Variants in ARSB observed in about 807,000 individuals in gnomAD.
ARSB encodes N-acetylgalactosamine-4-sulfatase.
ARSB carries 41 observed loss-of-function variants against 50.9 expected under a neutral mutation model. The ratio of observed to expected loss-of-function variants is 0.81; its 90% CI spans 0.63 to 1.04. The LOEUF (loss-of-function observed/expected upper bound fraction) is 1.04, where lower values mean the gene tolerates loss of function less well. Among genes scored for constraint, ARSB ranks in the 50% least tolerant of loss-of-function variants. The pLI is 0.00. For synonymous variants in ARSB, 269 were observed against 284.8 expected (o/e 0.94, Z 0.56); for missense variants, 672 against 693.3 (o/e 0.97, Z 0.35).
At chr5:78,939,752 G>T (rs1750812805) in intron 4 of ARSB, among the ~76,000 whole-genome samples, 1 of 152,112 alleles carries the variant, frequency 6.6e-6, no homozygotes, top group Admixed American at 6.5e-5. Context: ...ACATGTGCAT[G>T]TGTCTTTATA....
chr5:78,898,501 A>C (rs1290348394), intron 4 of ARSB, among the ~76,000 whole-genome samples: 1 of 152,244 alleles, frequency 6.6e-6, no homozygotes, highest in Admixed American at 6.5e-5. Context: ...ACAGGTGTAA[A>C]AATCTTTAAC....
chr5:78,945,396 G>T (rs1751175564), intron 4 of ARSB, among the ~76,000 whole-genome samples: 1 of 152,142 alleles, frequency 6.6e-6, no homozygotes, highest in South Asian at 2.1e-4. Context: ...GACTGGAGCT[G>T]TTCCTATTCG....
At chr5:78,946,345 C>A (rs1044113005) in intron 4 of ARSB, among the ~76,000 whole-genome samples, 2 of 152,160 alleles carry the variant, frequency 1.3e-5, no homozygotes, top group African/African-American at 4.8e-5. Context: ...TTTGGAAAAA[C>A]CTATAGCCTC....
chr5:78,816,451 C>A (rs1472393056), intron 6 of ARSB, among the ~76,000 whole-genome samples: 3 of 152,188 alleles, frequency 2.0e-5, no homozygotes. Flanking sequence ...GTCCCTGAAC[C>A]CTGGATTTCC....
intron 6 of ARSB, among the ~76,000 whole-genome samples, chr5:78,784,292 C>A (rs546651706): frequency 3.3e-5 from 5 of 152,226 alleles, no homozygotes; most frequent in African/African-American, 1.2e-4. Context: ...ATAGAACTAC[C>A]ATACAGTGCA....
At chr5:78,887,435 A>G (rs1250454949) in intron 4 of ARSB, among the ~76,000 whole-genome samples, 2 of 152,148 alleles carry the variant, frequency 1.3e-5, no homozygotes, top group African/African-American at 4.8e-5. Flanking sequence ...AACACTTCCT[A>G]CTGGGCCCCA....
At chr5:78,974,960 C>T (rs1296738448) in intron 1 of ARSB, among the ~76,000 whole-genome samples, 1 of 152,204 alleles carries the variant, frequency 6.6e-6, no homozygotes, top group Non-Finnish European at 1.5e-5. Flanking sequence ...AATAAAGACA[C>T]TGTTTTCTCT....
At chr5:78,907,964 AG>A (rs1335743849) in intron 4 of ARSB, among the ~76,000 whole-genome samples, 2 of 152,260 alleles carry the variant, frequency 1.3e-5, no homozygotes, top group East Asian at 3.9e-4. Context: ...AGCAGGGGGA[AG>A]GGGGAAGTCT....
chr5:78,834,299 C>T (rs11740161), intron 6 of ARSB, among the ~76,000 whole-genome samples: 31,042 of 151,676 alleles, frequency 0.2, 3,819 homozygotes, highest in Non-Finnish European at 0.26. Flanking sequence ...ATCCTAACCA[C>T]TTTTAATTGT....
At chr5:78,814,350 T>A (rs1743916312) in intron 6 of ARSB, among the ~76,000 whole-genome samples, 1 of 150,986 alleles carries the variant, frequency 6.6e-6, no homozygotes, top group South Asian at 2.1e-4. Context: ...CGATCCCTTA[T>A]GAAATAGTCT....
chr5:78,922,718 C>T (rs775053978), intron 4 of ARSB, among the ~76,000 whole-genome samples: 1 of 151,728 alleles, frequency 6.6e-6, no homozygotes, highest in Non-Finnish European at 1.5e-5. Flanking sequence ...AGCATCAGCT[C>T]AGCCACAGTG....
intron 4 of ARSB, among the ~76,000 whole-genome samples, chr5:78,938,413 T>C (rs1315428768): frequency 6.6e-6 from 1 of 152,244 alleles, no homozygotes; most frequent in Non-Finnish European, 1.5e-5. Context: ...TCAAGTCTCA[T>C]TATTCTGAGG....
At chr5:78,949,124 C>T (rs926479654) in intron 4 of ARSB, among the ~76,000 whole-genome samples, 4 of 152,130 alleles carry the variant, frequency 2.6e-5, no homozygotes, top group African/African-American at 7.2e-5. Flanking sequence ...CCCCAGACAG[C>T]GCACTGAGAA....
chr5:78,892,127 T>C (rs982807067), intron 4 of ARSB, among the ~76,000 whole-genome samples: 11 of 152,138 alleles, frequency 7.2e-5, no homozygotes, highest in African/African-American at 1.9e-4. Flanking sequence ...AATAGGCTCC[T>C]ATCTGGATAT....
chr5:78,797,850 G>A (rs1434770530), intron 6 of ARSB, among the ~76,000 whole-genome samples: 4 of 152,166 alleles, frequency 2.6e-5, no homozygotes, highest in Admixed American at 6.6e-5. Flanking sequence ...TATATGGACT[G>A]AGAAAAGAAC....
At chr5:78,806,488 T>C (rs1332211558) in intron 6 of ARSB, among the ~76,000 whole-genome samples, 1 of 152,236 alleles carries the variant, frequency 6.6e-6, no homozygotes, top group South Asian at 2.1e-4. Context: ...TCTGGATATA[T>C]TACAGGATTG....
In ARSB at chr5:78,836,696, A is replaced by G. The variant is rs114917357; in HGVS notation, c.1213+2660T>C. ...CTTTAGGTAAGACAGGAGAAAGCAC[A>G]GCAAGTTGCACCAAGAACCCTGCAG... On this transcript the variant is annotated intron_variant, in intron 6 of 7. Coordinates refer to ENST00000264914, the MANE Select transcript of ARSB (RefSeq NM_000046.5). Among the ~76,000 whole-genome samples the G allele has an allele frequency of 2.2e-3, 339 of 152,354 alleles. 1 individual carries two copies. Among genetic ancestry groups the G allele is most frequent in the African/African-American group, 7.9e-3 (327 of 41,584 alleles).
chr5:78,908,289 C>T (rs1237612057), intron 4 of ARSB, among the ~76,000 whole-genome samples: 1 of 152,164 alleles, frequency 6.6e-6, no homozygotes. Flanking sequence ...CCCCGACTTC[C>T]ACTCTCCTCT....
At chr5:78,859,966 G>T (rs1746347619) in intron 5 of ARSB, among the ~76,000 whole-genome samples, 1 of 152,152 alleles carries the variant, frequency 6.6e-6, no homozygotes, top group African/African-American at 2.4e-5. Flanking sequence ...TATCCAAAAG[G>T]TTGGGAAATT....
Sources: gnomAD v4.1 joint callset for allele counts (sites outside exome capture counted in the v4.1 genomes callset) on GRCh38, gnomAD v4.1.1 for gene constraint, MANE v1.5 for transcripts, NCBI Gene and HGNC (gene_info 2026-07-23, HGNC 2026-07-21) for gene names.